Variants in PDE11A observed in about 807,000 individuals in gnomAD.
PDE11A encodes phosphodiesterase 11A.
In PDE11A, 100 loss-of-function variants were observed where a neutral mutation model predicts 100.5. That is an observed-to-expected ratio of 1.00 (90% CI 0.85 to 1.18). The LOEUF is 1.18. Among genes scored for constraint, PDE11A ranks in the 50% most tolerant of loss-of-function variants. The pLI, the probability that PDE11A is intolerant of heterozygous loss-of-function variation, is 0.00. For missense variants in PDE11A, 1,141 were observed against 1,152.6 expected, an observed-to-expected ratio of 0.99 and a Z score of 0.15; for synonymous variants, 381 against 420.8, an observed-to-expected ratio of 0.91 and a Z score of 1.16.
chr2:177,869,000 T>G (rs2084077540), intron 5 of PDE11A, among the ~76,000 whole-genome samples: 1 of 152,238 alleles, frequency 6.6e-6, no homozygotes, highest in Non-Finnish European at 1.5e-5. Flanking sequence ...CACATGGCTG[T>G]ACACCACTCA....
At chr2:178,058,882 G>A (rs1349365130) in intron 1 of PDE11A, among the ~76,000 whole-genome samples, 1 of 152,132 alleles carries the variant, frequency 6.6e-6, no homozygotes, top group African/African-American at 2.4e-5. Context: ...CTTCCATGGA[G>A]AGTTTGCCAT....
chr2:177,682,779 G>A (rs1203662952), intron 15 of PDE11A, among the ~76,000 whole-genome samples: 1 of 152,168 alleles, frequency 6.6e-6, no homozygotes, highest in Admixed American at 6.5e-5. Context: ...ACCTCTCTTG[G>A]AGACACCATC....
At chr2:177,647,436 A>G (rs544362902) in intron 19 of PDE11A, among the ~76,000 whole-genome samples, 2 of 152,292 alleles carry the variant, frequency 1.3e-5, no homozygotes, top group Admixed American at 1.3e-4. Context: ...ACCTCAAAGA[A>G]TGTATTCTAG....
chr2:177,927,605 T>C (rs1158401532), intron 2 of PDE11A, among the ~76,000 whole-genome samples: 1 of 152,192 alleles, frequency 6.6e-6, no homozygotes, highest in East Asian at 1.9e-4. Context: ...TCCATAAACC[T>C]TTGCTGACAA....
chr2:178,084,963 C>T (rs2087330725), intron 2 of PDE11A, among the ~76,000 whole-genome samples: 1 of 152,206 alleles, frequency 6.6e-6, no homozygotes, highest in Non-Finnish European at 1.5e-5. Flanking sequence ...ACATCAGGAG[C>T]TTCTTCCATG....
At chr2:178,080,072 A>C (rs1488855380) in intron 2 of PDE11A, among the ~76,000 whole-genome samples, 1 of 151,764 alleles carries the variant, frequency 6.6e-6, no homozygotes, top group Non-Finnish European at 1.5e-5. Context: ...GATTGCAAAA[A>C]TTTTCTTCCA....
intron 9 of PDE11A, among the ~76,000 whole-genome samples, chr2:177,809,219 G>C (rs2082913510): frequency 6.6e-6 from 1 of 152,118 alleles, no homozygotes; most frequent in African/African-American, 2.4e-5. Context: ...AATGTACTTA[G>C]TACTACTGAA....
At chr2:177,925,857 A>T (rs1437678632) in intron 2 of PDE11A, among the ~76,000 whole-genome samples, 1 of 152,252 alleles carries the variant, frequency 6.6e-6, no homozygotes, top group Non-Finnish European at 1.5e-5. Flanking sequence ...TAAAAAAATG[A>T]AATCTTTTTT....
At chr2:177,642,859 G>T (rs575895174) in intron 19 of PDE11A, among the ~76,000 whole-genome samples, 1 of 152,290 alleles carries the variant, frequency 6.6e-6, no homozygotes, top group South Asian at 2.1e-4. Context: ...ATGGGGGCAG[G>T]TCTTTCCCAT....
chr2:177,874,291 G>A (rs115962981), intron 5 of PDE11A, among the ~76,000 whole-genome samples: 4,209 of 152,192 alleles, frequency 0.028, 189 homozygotes, highest in African/African-American at 0.096. Flanking sequence ...AAGATTGTTT[G>A]GGGGATTAAA....
At chr2:177,979,401 C>G (rs536685733) in intron 2 of PDE11A, among the ~76,000 whole-genome samples, 4 of 150,524 alleles carry the variant, frequency 2.7e-5, no homozygotes, top group Admixed American at 2.7e-4. Flanking sequence ...TATGAGATAG[C>G]CAACTCAAGG....
intron 19 of PDE11A, among the ~76,000 whole-genome samples, chr2:177,645,068 AC>A (rs1214850987): frequency 6.6e-6 from 1 of 152,250 alleles, no homozygotes; most frequent in Non-Finnish European, 1.5e-5. Flanking sequence ...ACGGACTAAT[AC>A]AAATATGCAC....
chr2:177,712,650 T>C (rs978815081), intron 12 of PDE11A, among the ~76,000 whole-genome samples: 1 of 152,220 alleles, frequency 6.6e-6, no homozygotes, highest in Admixed American at 6.5e-5. Flanking sequence ...GACATAATTA[T>C]GTAATCAACA....
chr2:178,035,812 C>A (rs1269823574), intron 1 of PDE11A, among the ~76,000 whole-genome samples: 2 of 152,064 alleles, frequency 1.3e-5, no homozygotes, highest in African/African-American at 4.8e-5. Context: ...AAAAGGCCTT[C>A]AATAAAATTC....
Position 177,660,124 on chromosome 2 carries a change from TTTCTTTCATTCC to T in PDE11A, c.2646+3730_2646+3741del, listed in dbSNP as rs2080463035. Among the ~76,000 whole-genome samples the T allele has an allele frequency of 2.6e-5, 3 of 113,898 alleles. 1 individual carries two copies. The highest frequency in any genetic ancestry group is 5.6e-5 in the Non-Finnish European group (3 of 53,750). The allele number at this position is 113,898 out of a possible 152,430, so 74.7% of individuals were successfully genotyped here. A position where few individuals can be genotyped will look rare whatever the true frequency, so the allele number is the denominator to read the frequency against. Reference sequence around the variant, plus strand: ...CTCTCTCTCTCTCTTTCTTTCTTTCTTTCTTTCATTCCTTCTCTCTCTTTCTTTCTTCTCTCT... The same window carrying T: ...CTCTCTCTCTCTCTTTCTTTCTTTCTTTCTCTCTCTTTCTTTCTTCTCTCT... On this transcript the variant is annotated intron_variant, in intron 19 of 19. Transcript: ENST00000286063.
chr2:177,940,823 C>T (rs967577193), intron 2 of PDE11A, among the ~76,000 whole-genome samples: 30 of 152,284 alleles, frequency 2.0e-4, no homozygotes, highest in Non-Finnish European at 4.0e-4. Context: ...ATCGTTTACC[C>T]TCTATCTTGC....
At chr2:177,703,089 A>T (rs189075403) in intron 13 of PDE11A, among the ~76,000 whole-genome samples, 12 of 152,274 alleles carry the variant, frequency 7.9e-5, no homozygotes, top group East Asian at 1.9e-4. Context: ...TAAGTGCTTT[A>T]AAAAATATTG....
intron 5 of PDE11A, among the ~76,000 whole-genome samples, chr2:177,857,781 T>C (rs2083867220): frequency 1.3e-5 from 2 of 152,010 alleles, no homozygotes; most frequent in Non-Finnish European, 2.9e-5. Context: ...TTTTACACTG[T>C]CTACAAGGGA....
chr2:177,845,412 C>T lies in PDE11A; in HGVS notation c.1368-5029G>A, dbSNP rs560987922. On this transcript the variant is annotated intron_variant, in intron 5 of 19. Transcript: ENST00000286063. Reference sequence around the variant, plus strand: ...CAGACGGGGCAGCGGGGCAGAGGCGCTCCCCACATCTCAGACGATGGGCGG... The same window carrying T: ...CAGACGGGGCAGCGGGGCAGAGGCGTTCCCCACATCTCAGACGATGGGCGG... Among the ~76,000 whole-genome samples, 1,011 of 150,470 alleles carry T rather than the reference C, an allele frequency of 6.7e-3. 12 individuals carry two copies. Among genetic ancestry groups the T allele is most frequent in the African/African-American group, 0.023 (937 of 40,654 alleles).
Sources: allele counts gnomAD v4.1 joint callset (sites outside exome capture counted in the v4.1 genomes callset), GRCh38; gene constraint gnomAD v4.1.1; transcripts MANE v1.5; gene names NCBI Gene and HGNC (gene_info 2026-07-23, HGNC 2026-07-21).